Variants in PRDM11 observed in about 807,000 individuals in gnomAD.
PRDM11 encodes PR domain-containing protein 11.
In PRDM11, 20 loss-of-function variants were observed where a neutral mutation model predicts 97.8. The ratio of observed to expected loss-of-function variants is 0.20; its 90% CI spans 0.14 to 0.30. The LOEUF is 0.30. Ranked by LOEUF, PRDM11 falls within the 10% of genes least tolerant of loss-of-function variation. The probability of loss-of-function intolerance (pLI) is 1.00; values close to 1 mark genes in which losing one functional copy is unlikely to be tolerated. For synonymous variants in PRDM11, 599 were observed against 637.7 expected (o/e 0.94, Z 0.91); for missense variants, 1,139 against 1,555.2 (o/e 0.73, Z 4.50).
intron 4 of PRDM11, among the ~76,000 whole-genome samples, chr11:45,198,855 C>A (rs1853224542): frequency 6.6e-6 from 1 of 152,288 alleles, no homozygotes; most frequent in Admixed American, 6.5e-5. Context: ...AAAGCATGGA[C>A]TGTACTGTCA....
intron 5 of PRDM11, among the ~76,000 whole-genome samples, chr11:45,214,934 G>A (rs990643384): frequency 2.6e-5 from 4 of 152,180 alleles, no homozygotes; most frequent in South Asian, 2.1e-4. Context: ...CCAGGCCCTC[G>A]GAGGAAAGGA....
chr11:45,191,978 C>T lies in PRDM11; in HGVS notation c.486+8855C>T, dbSNP rs1852930004. Among the ~76,000 whole-genome samples, 5 of 152,064 alleles carry T rather than the reference C, an allele frequency of 3.3e-5. No homozygotes were observed. In the South Asian group the frequency reaches 1.0e-3, roughly 32 times the overall value. On this transcript the variant is annotated intron_variant, in intron 4 of 7. Transcript: ENST00000683152. ...AGCCTCCCATGCATTAGGTATTTGTCTTAATGCTCTCCCTCCCCTCACCTC... is the reference window on the plus strand; with the variant it reads ...AGCCTCCCATGCATTAGGTATTTGTTTTAATGCTCTCCCTCCCCTCACCTC...
chr11:45,139,553 C>T (rs371738201), intron 1 of PRDM11, among the ~76,000 whole-genome samples: 95 of 108,122 alleles, frequency 8.8e-4, no homozygotes, highest in African/African-American at 3.1e-3. Context: ...GGTGACAGGG[C>T]GAGACTCCAA....
chr11:45,100,561 C>T lies in PRDM11; in HGVS notation c.96+4660C>T, dbSNP rs754792188. On this transcript the variant is annotated intron_variant, in intron 1 of 6. Coordinates refer to the PRDM11 transcript ENST00000530656. ...CCCACCCACTGGTGCTCATCATCAT[C>T]TGCTGCTGCTGATTGGCTGGTGAGA... Among the ~76,000 whole-genome samples the T allele has an allele frequency of 4.6e-5, 7 of 152,234 alleles. No individual in the cohort carries two copies. The East Asian group carries it at 7.7e-4, about 17-fold the overall frequency.
At chr11:45,212,413 C>T (rs1409577590) in intron 5 of PRDM11, 8 of 355,522 alleles carry the variant, frequency 2.3e-5, no homozygotes, top group Non-Finnish European at 3.4e-5. Context: ...AACCCCTGGG[C>T]CTCCCTCCTT....
rs1487718 is a variant in PRDM11, at chr11:45,139,909, C to A, written c.97-41852C>A. ...ATGAGTTCAGGGAAAGAGAGAGAAACAATGTTGAAGGTTATTTGGAATCAT... is the reference window on the plus strand; with the variant it reads ...ATGAGTTCAGGGAAAGAGAGAGAAAAAATGTTGAAGGTTATTTGGAATCAT... On this transcript the variant is annotated intron_variant, in intron 1 of 6. Coordinates refer to the PRDM11 transcript ENST00000530656. 3.3e-5 allele frequency among the ~76,000 whole-genome samples: 5 copies of A among 151,930 alleles called. No individual in the cohort carries two copies. The South Asian group carries it at 8.3e-4, about 25-fold the overall frequency.
upstream of PRDM11, among the ~76,000 whole-genome samples, chr11:45,146,086 A>C (rs964270633): frequency 1.3e-5 from 2 of 152,186 alleles, no homozygotes; most frequent in African/African-American, 4.8e-5. Context: ...ACCCCACATA[A>C]AGAGTTAATA....
intron 1 of PRDM11, among the ~76,000 whole-genome samples, chr11:45,100,974 C>T (rs76214649): frequency 0.014 from 2,199 of 152,278 alleles, 52 homozygotes; most frequent in African/African-American, 0.051. Context: ...AATCCAAATG[C>T]TGTATTCTTA....
At chr11:45,114,576 C>A (rs1182849813) in intron 1 of PRDM11, among the ~76,000 whole-genome samples, 2 of 152,078 alleles carry the variant, frequency 1.3e-5, no homozygotes. Context: ...ACTCAATAAG[C>A]TCACTGAACC....
chr11:45,204,086 C>T (rs561818512), intron 4 of PRDM11, among the ~76,000 whole-genome samples: 25 of 152,282 alleles, frequency 1.6e-4, no homozygotes, highest in East Asian at 7.7e-4. Context: ...GCTTTTGCGC[C>T]GATGGCAGTC....
Position 45,230,864 on chromosome 11 carries a change from A to G in PRDM11, c.*2705A>G, listed in dbSNP as rs1854386944. The G allele has an allele frequency of 6.6e-6, 1 of 152,230 alleles. No individual in the cohort carries two copies. The highest frequency in any genetic ancestry group is 2.1e-4 in the South Asian group (1 of 4,830). 9.4% of individuals were successfully genotyped at this position (152,230 alleles called of 1,614,324 possible). On this transcript the variant is annotated 3_prime_UTR_variant, in exon 8 of 8. Transcript: ENST00000683152. ...GAGATCATGGCCAAAATGAGCTAAA[A>G]TCTTCAGCTAGAAGGGGAAAAGCTT...
chr11:45,147,366 CCGCGCCGGGGG>C (rs1298466047), intron 1 of PRDM11: 1 of 152,084 alleles, frequency 6.6e-6, no homozygotes, highest in African/African-American at 2.4e-5. Context: ...GCCCTCGGCC[CCGCGCCGGGGG>C]CTGCTGCGGG....
intron 1 of PRDM11, among the ~76,000 whole-genome samples, chr11:45,101,155 C>T (rs2135594741): frequency 6.6e-6 from 1 of 152,242 alleles, no homozygotes; most frequent in Middle Eastern, 3.4e-3. Flanking sequence ...GTGTCTGTTC[C>T]ATGAGAGGAG....
intron 1 of PRDM11, among the ~76,000 whole-genome samples, chr11:45,101,566 AAAAG>A (rs1565219870): frequency 1.4e-5 from 2 of 142,542 alleles, no homozygotes; most frequent in Non-Finnish European, 1.5e-5. Context: ...AAAAAAAAAA[AAAAG>A]AAGAAGAAGA....
intron 1 of PRDM11, among the ~76,000 whole-genome samples, chr11:45,169,449 C>A (rs1399276498): frequency 6.6e-6 from 1 of 152,236 alleles, no homozygotes; most frequent in Non-Finnish European, 1.5e-5. Context: ...TTTTATATAA[C>A]ACACTTACCG....
At chr11:45,179,802 G>C (rs772847689) in intron 1 of PRDM11, among the ~76,000 whole-genome samples, 1 of 152,226 alleles carries the variant, frequency 6.6e-6, no homozygotes, top group Non-Finnish European at 1.5e-5. Context: ...GGATCACACC[G>C]CCCATCAGTG....
At chr11:45,204,799 G>A in intron 5 of PRDM11, 21 bp downstream of exon 5, 3 of 1,594,402 alleles carry the variant, frequency 1.9e-6, no homozygotes, top group South Asian at 2.2e-5. Context: ...CTCTGCTGAT[G>A]TCCCGGGGGT....
chr11:45,219,307 G>T lies in PRDM11; in HGVS notation c.555-263G>T, dbSNP rs1341032165. On this transcript the variant is annotated intron_variant, in intron 5 of 7. Transcript: ENST00000683152. The surrounding 1 kb of genome is among the most constrained non-coding windows in gnomAD (Gnocchi z 4.2). The stretch of plus-strand genomic sequence containing the variant: ...ATATGGTGTGAGGCAGGCAGGGCAG[G>T]TGTCATATCCAGTCTCAGAAAACAG... Among the ~76,000 whole-genome samples the T allele has an allele frequency of 6.6e-6, 1 of 152,158 alleles. No individual in the cohort carries two copies. The highest frequency in any genetic ancestry group is 2.1e-4 in the South Asian group (1 of 4,824).
Position 45,226,644 on chromosome 11 carries a change from G to C in PRDM11, c.2019G>C (p.Thr673=), listed in dbSNP as rs1009373180. The change falls in exon 8 of 8, where the codon ACG becomes ACC. Residue 673 remains threonine, a synonymous_variant. Coordinates refer to ENST00000683152, the MANE Select transcript of PRDM11 (RefSeq NM_001384648.1). ...DGQSDDLLAD[T]VAVYVQYTSS... ...AGAGCGACGACCTGCTGGCCGACAC[G>C]GTGGCTGTCTATGTTCAGTACACCA... is the stretch of plus-strand genomic sequence containing the variant. 1.3e-6 allele frequency: 2 copies of C among 1,533,976 alleles called. No individual in the cohort carries two copies. The highest frequency in any genetic ancestry group is 1.2e-5 in the South Asian group (1 of 83,968).
Sources: gnomAD v4.1 joint callset for allele counts (sites outside exome capture counted in the v4.1 genomes callset) on GRCh38, gnomAD v4.1.1 for gene constraint, Gnocchi (gnomAD v3.1) non-coding constraint, MANE v1.5 for transcripts, NCBI Gene and HGNC (gene_info 2026-07-23, HGNC 2026-07-21) for gene names.